The following FSTL5 variants were observed in gnomAD, a reference collection of about 807,000 sequenced individuals.
FSTL5 encodes follistatin like 5.
In FSTL5, 62 loss-of-function variants were observed where a neutral mutation model predicts 89.1. The observed-to-expected ratio is 0.70, with a 90% CI of 0.57 to 0.86. The LOEUF (loss-of-function observed/expected upper bound fraction) is 0.86. Among genes scored for constraint, FSTL5 ranks in the 40% least tolerant of loss-of-function variants. The pLI is 0.00. For missense variants in FSTL5, 1,057 were observed against 1,001.6 expected, an observed-to-expected ratio of 1.06 and a Z score of -0.75; for synonymous variants, 383 against 346.2, an observed-to-expected ratio of 1.11 and a Z score of -1.18.
chr4:162,035,573 A>C (rs1459263377), intron 2 of FSTL5, among the ~76,000 whole-genome samples: 2 of 152,126 alleles, frequency 1.3e-5, no homozygotes, highest in East Asian at 3.9e-4. Flanking sequence ...CAATCTGGGC[A>C]GTAATAGGAG....
Position 162,054,338 on chromosome 4 carries a change from G to C in FSTL5, c.127-20680C>G, listed in dbSNP as rs528593946. Among the ~76,000 whole-genome samples, 8 of 151,788 alleles carry C rather than the reference G, an allele frequency of 5.3e-5. No individual in the cohort carries two copies. In the East Asian group the frequency reaches 1.6e-3, roughly 29 times the overall value. Reference sequence around the variant, plus strand: ...TCCTGCAGAAAACACTTCACTTTATGATGAAACATTAGATGCATTCCACTT... The same window carrying C: ...TCCTGCAGAAAACACTTCACTTTATCATGAAACATTAGATGCATTCCACTT... On this transcript the variant is annotated intron_variant, in intron 2 of 15. Coordinates refer to ENST00000306100, the MANE Select transcript of FSTL5 (RefSeq NM_020116.5).
intron 10 of FSTL5, among the ~76,000 whole-genome samples, chr4:161,529,427 T>A (rs891580916): frequency 2.1e-5 from 3 of 142,600 alleles, no homozygotes; most frequent in Non-Finnish European, 4.6e-5. Context: ...TTATTATAAA[T>A]AATGAAAGTT....
intron 6 of FSTL5, among the ~76,000 whole-genome samples, chr4:161,661,463 A>G (rs1248854125): frequency 6.6e-6 from 1 of 152,148 alleles, no homozygotes; most frequent in African/African-American, 2.4e-5. Flanking sequence ...ATAGTAATAC[A>G]ATATTAAGCC....
intron 7 of FSTL5, among the ~76,000 whole-genome samples, chr4:161,638,447 A>G (rs571481787): frequency 6.6e-6 from 1 of 152,004 alleles, no homozygotes; most frequent in Non-Finnish European, 1.5e-5. Flanking sequence ...CTAATTGAAT[A>G]CCCTTTATTT....
chr4:161,567,577 C>T (rs1578931570), intron 8 of FSTL5, among the ~76,000 whole-genome samples: 1 of 152,136 alleles, frequency 6.6e-6, no homozygotes, highest in Admixed American at 6.6e-5. Context: ...TCCAGTAAAC[C>T]ATATCATGCT....
intron 7 of FSTL5, among the ~76,000 whole-genome samples, chr4:161,641,657 A>G (rs1441460037): frequency 6.6e-6 from 1 of 151,896 alleles, no homozygotes; most frequent in Middle Eastern, 3.2e-3. Flanking sequence ...ACGCCCAGAT[A>G]ATTTTTGTAT....
At chr4:161,717,063 A>C (rs1739012525) in intron 6 of FSTL5, among the ~76,000 whole-genome samples, 1 of 152,206 alleles carries the variant, frequency 6.6e-6, no homozygotes, top group Admixed American at 6.5e-5. Context: ...TATTTGAGGG[A>C]GACAGACTTT....
At chr4:162,125,755 A>G in intron 1 of FSTL5, among the ~76,000 whole-genome samples, 1 of 152,154 alleles carries the variant, frequency 6.6e-6, no homozygotes, top group East Asian at 1.9e-4. Context: ...TTATTTAAGC[A>G]GTGTATAAAG....
intron 8 of FSTL5, among the ~76,000 whole-genome samples, chr4:161,574,273 T>C (rs181279277): frequency 7.6e-4 from 115 of 152,232 alleles, no homozygotes; most frequent in African/African-American, 2.5e-3. Context: ...AATATTCACC[T>C]GACCACACCC....
At chr4:162,010,890 T>C (rs150966063) in intron 3 of FSTL5, among the ~76,000 whole-genome samples, 81 of 152,350 alleles carry the variant, frequency 5.3e-4, no homozygotes, top group African/African-American at 1.9e-3. Context: ...ACAAATGCTA[T>C]TATGAACATT....
At chr4:161,763,731 T>G (rs144485934) in intron 5 of FSTL5, among the ~76,000 whole-genome samples, 1 of 152,274 alleles carries the variant, frequency 6.6e-6, no homozygotes, top group Admixed American at 6.5e-5. Context: ...CATGTTGAAG[T>G]CATATGCTCA....
At chr4:161,747,214 T>A (rs926531723) in intron 6 of FSTL5, among the ~76,000 whole-genome samples, 1 of 152,196 alleles carries the variant, frequency 6.6e-6, no homozygotes, top group Non-Finnish European at 1.5e-5. Context: ...AATATTAATC[T>A]AAATAGGTAA....
At chr4:161,450,422 T>C (rs1237423177) in intron 15 of FSTL5, among the ~76,000 whole-genome samples, 1 of 152,226 alleles carries the variant, frequency 6.6e-6, no homozygotes, top group Non-Finnish European at 1.5e-5. Flanking sequence ...ATTACTTGTT[T>C]TGAAGTTTAA....
At chr4:161,727,465 AG>A (rs1313146781) in intron 6 of FSTL5, among the ~76,000 whole-genome samples, 1 of 152,144 alleles carries the variant, frequency 6.6e-6, no homozygotes, top group Non-Finnish European at 1.5e-5. Context: ...TTTAAAAGGG[AG>A]GCAAATCATT....
chr4:161,456,664 G>A (rs901319157), intron 14 of FSTL5, among the ~76,000 whole-genome samples: 2 of 152,128 alleles, frequency 1.3e-5, no homozygotes, highest in South Asian at 4.1e-4. Flanking sequence ...CACTTCCTTT[G>A]TGAATGTTTC....
intron 7 of FSTL5, among the ~76,000 whole-genome samples, chr4:161,613,117 A>G (rs1042813897): frequency 6.6e-6 from 1 of 152,170 alleles, no homozygotes; most frequent in African/African-American, 2.4e-5. Context: ...CTAATACATG[A>G]TAATTCACTA....
chr4:161,742,341 CATT>C (rs1560820158), intron 6 of FSTL5, among the ~76,000 whole-genome samples: 1 of 152,070 alleles, frequency 6.6e-6, no homozygotes, highest in Non-Finnish European at 1.5e-5. Flanking sequence ...TACAAAGCTG[CATT>C]ATTATCTAGA....
chr4:161,934,512 A>C (rs1226381764), intron 3 of FSTL5, among the ~76,000 whole-genome samples: 1 of 152,108 alleles, frequency 6.6e-6, no homozygotes, highest in African/African-American at 2.4e-5. Context: ...TAAAAACCTC[A>C]TATGATCAGT....
intron 7 of FSTL5, among the ~76,000 whole-genome samples, chr4:161,624,626 T>A (rs1402857220): frequency 2.0e-5 from 3 of 151,890 alleles, no homozygotes; most frequent in Non-Finnish European, 1.5e-5. Context: ...CTCTTCATAT[T>A]AAAAACCTTA....
Sources: gnomAD v4.1 joint callset for allele counts (sites outside exome capture counted in the v4.1 genomes callset) on GRCh38, gnomAD v4.1.1 for gene constraint, MANE v1.5 for transcripts, NCBI Gene and HGNC (gene_info 2026-07-23, HGNC 2026-07-21) for gene names.